Variants in SAMMSON observed in about 807,000 individuals in gnomAD.
The protein encoded by SAMMSON is long intergenic non-protein coding RNA 1212.
At chr3:70,259,817 G>T (rs550921735) in intron 6 of SAMMSON, among the ~76,000 whole-genome samples, 2 of 152,230 alleles carry the variant, frequency 1.3e-5, no homozygotes, top group South Asian at 4.1e-4. Flanking sequence ...AGGTTTGATT[G>T]ACTCACAGTT....
intron 4 of SAMMSON, among the ~76,000 whole-genome samples, chr3:70,217,275 C>T (rs566462797): frequency 9.9e-5 from 15 of 152,168 alleles, no homozygotes; most frequent in East Asian, 5.8e-4. Context: ...TCAGTACAAA[C>T]GTAGATAGTT....
chr3:70,320,019 G>A lies in SAMMSON; in HGVS notation n.739+28776G>A, dbSNP rs77377420. Among the ~76,000 whole-genome samples, 174 of 152,108 alleles carry A rather than the reference G, an allele frequency of 1.1e-3. 1 individual carries two copies. The highest frequency in any genetic ancestry group is 0.01 in the East Asian group (52 of 5,158). On this transcript the variant is annotated intron_variant and non_coding_transcript_variant, in intron 7 of 9. Coordinates refer to ENST00000642114, the Ensembl canonical transcript of SAMMSON. ...CATCCAACATGGTGTCCGAGTACCAGTGGTAGATGGAGGCATCTAGATGGA... is the reference window on the plus strand; with the variant it reads ...CATCCAACATGGTGTCCGAGTACCAATGGTAGATGGAGGCATCTAGATGGA...
At chr3:70,251,023 C>T (rs1264610123) in intron 6 of SAMMSON, among the ~76,000 whole-genome samples, 1 of 152,162 alleles carries the variant, frequency 6.6e-6, no homozygotes, top group African/African-American at 2.4e-5. Flanking sequence ...CATTTAAACG[C>T]CTTTCCAGAG....
intron 4 of SAMMSON, among the ~76,000 whole-genome samples, chr3:70,202,746 G>A (rs72941581): frequency 0.012 from 1,810 of 152,234 alleles, 28 homozygotes; most frequent in African/African-American, 0.04. Context: ...TTTAGGACAT[G>A]GAGGCTGTGA....
chr3:70,262,083 T>C (rs563799213), intron 6 of SAMMSON, among the ~76,000 whole-genome samples: 1 of 152,306 alleles, frequency 6.6e-6, no homozygotes, highest in East Asian at 1.9e-4. Flanking sequence ...ATAAAGCCTT[T>C]TCTTTTCTCA....
At chr3:70,047,657 G>A (rs1236046405) in intron 3 of SAMMSON, among the ~76,000 whole-genome samples, 1 of 152,014 alleles carries the variant, frequency 6.6e-6, no homozygotes, top group Admixed American at 6.6e-5. Context: ...TGTGCCAGAT[G>A]TGTGTGTCTT....
At chr3:70,145,304 C>G (rs576442551) in intron 4 of SAMMSON, among the ~76,000 whole-genome samples, 38 of 152,228 alleles carry the variant, frequency 2.5e-4, no homozygotes, top group Middle Eastern at 3.4e-3. Flanking sequence ...ACCTAGCAGA[C>G]AGCAAATCAG....
At chr3:70,127,326 G>T (rs1296098695) in intron 4 of SAMMSON, 1 of 151,978 alleles carries the variant, frequency 6.6e-6, no homozygotes, top group East Asian at 1.9e-4. Flanking sequence ...GAAGACAGTG[G>T]TACAATACCC....
chr3:70,082,869 T>TGCTATC (rs1380032946), intron 4 of SAMMSON, among the ~76,000 whole-genome samples: 1 of 152,244 alleles, frequency 6.6e-6, no homozygotes, highest in African/African-American at 2.4e-5. Context: ...TAGATGTGGT[T>TGCTATC]GCTATCCCCA....
downstream of SAMMSON, among the ~76,000 whole-genome samples, chr3:70,390,051 T>A (rs192138424): frequency 1.5e-3 from 224 of 152,218 alleles, no homozygotes; most frequent in Non-Finnish European, 2.7e-3. Flanking sequence ...CTAAATGCTG[T>A]AATACACTTC....
At chr3:70,385,408 G>T in intron 9 of SAMMSON, among the ~76,000 whole-genome samples, 1 of 152,080 alleles carries the variant, frequency 6.6e-6, no homozygotes, top group African/African-American at 2.4e-5. Flanking sequence ...ATTGTTGTAG[G>T]TGTGTGTGGA....
chr3:70,199,490 T>C (rs563505781), intron 4 of SAMMSON, among the ~76,000 whole-genome samples: 2 of 152,308 alleles, frequency 1.3e-5, no homozygotes, highest in East Asian at 1.9e-4. Context: ...TCTAAGTCAG[T>C]CCTTTTTATT....
At chr3:70,414,619 A>G (rs1317498663) in intron 2 of SAMMSON, among the ~76,000 whole-genome samples, 1 of 152,132 alleles carries the variant, frequency 6.6e-6, no homozygotes, top group East Asian at 1.9e-4. Flanking sequence ...ACAACTAGAA[A>G]TAGTTGGCTA....
chr3:70,173,301 G>A (rs889263744), intron 4 of SAMMSON, among the ~76,000 whole-genome samples: 6 of 151,808 alleles, frequency 4.0e-5, no homozygotes, highest in African/African-American at 1.2e-4. Flanking sequence ...CACAGGACCC[G>A]TGGGATGTGC....
intron 3 of SAMMSON, among the ~76,000 whole-genome samples, chr3:70,039,355 T>G (rs545017005): frequency 2.6e-5 from 4 of 152,058 alleles, no homozygotes; most frequent in Non-Finnish European, 5.9e-5. Context: ...TGGTAGACTT[T>G]AAGTAAGCGA....
chr3:70,086,386 C>G (rs541672507), intron 4 of SAMMSON, among the ~76,000 whole-genome samples: 1 of 152,288 alleles, frequency 6.6e-6, no homozygotes, highest in East Asian at 1.9e-4. Context: ...GGATCTATTA[C>G]GTAGTAATGA....
At chr3:70,290,447 C>T (rs1469017141) in intron 6 of SAMMSON, among the ~76,000 whole-genome samples, 2 of 152,206 alleles carry the variant, frequency 1.3e-5, no homozygotes, top group African/African-American at 4.8e-5. Context: ...ACTGGGAGAA[C>T]CACTGCTCTC....
chr3:70,221,183 C>G (rs1363769946), intron 4 of SAMMSON, among the ~76,000 whole-genome samples: 1 of 152,052 alleles, frequency 6.6e-6, no homozygotes, highest in Non-Finnish European at 1.5e-5. Context: ...AGTGAGTTTC[C>G]TCTCCCACAT....
intron 4 of SAMMSON, among the ~76,000 whole-genome samples, chr3:70,110,105 G>A (rs1191560820): frequency 2.0e-5 from 3 of 152,216 alleles, no homozygotes; most frequent in African/African-American, 7.2e-5. Flanking sequence ...CTGGCTAGTG[G>A]TGTGGAAGTG....
Sources: gnomAD v4.1 joint callset for allele counts (sites outside exome capture counted in the v4.1 genomes callset) on GRCh38, gnomAD v4.1.1 for gene constraint, MANE v1.5 for transcripts, NCBI Gene and HGNC (gene_info 2026-07-23, HGNC 2026-07-21) for gene names.